Variants in FAF1 observed in about 807,000 individuals in gnomAD.
FAF1 encodes the protein Fas associated factor 1, also known as FAS-associated factor 1.
FAF1 carries 25 observed loss-of-function variants against 92.5 expected under a neutral mutation model. That is an observed-to-expected ratio of 0.27 (90% CI 0.20 to 0.38). The LOEUF is 0.38. Among genes scored for constraint, FAF1 ranks in the 10% least tolerant of loss-of-function variants. The probability of loss-of-function intolerance (pLI) is 1.00; values close to 1 mark genes in which losing one functional copy is unlikely to be tolerated. For synonymous variants in FAF1, 234 were observed against 273.2 expected, an observed-to-expected ratio of 0.86 and a Z score of 1.42; for missense variants, 636 against 793.3, an observed-to-expected ratio of 0.80 and a Z score of 2.38.
intron 1 of FAF1, among the ~76,000 whole-genome samples, chr1:50,947,158 T>C (rs760790997): frequency 7.0e-6 from 1 of 143,876 alleles, no homozygotes; most frequent in Non-Finnish European, 1.5e-5. Flanking sequence ...ACATCTAAAA[T>C]TGATTTTAAA....
intron 4 of FAF1, among the ~76,000 whole-genome samples, chr1:50,777,875 G>A (rs1320538170): frequency 6.6e-6 from 1 of 152,016 alleles, no homozygotes; most frequent in Non-Finnish European, 1.5e-5. Context: ...AAATTGGTTC[G>A]ACCATTTTAT....
intron 13 of FAF1, among the ~76,000 whole-genome samples, chr1:50,545,907 A>G (rs568361356): frequency 4.6e-5 from 7 of 152,248 alleles, no homozygotes; most frequent in Non-Finnish European, 8.8e-5. Flanking sequence ...TCACACCAGT[A>G]ATCCCAGCAC....
At chr1:50,771,591 T>G (rs1164764519) in intron 4 of FAF1, among the ~76,000 whole-genome samples, 1 of 152,142 alleles carries the variant, frequency 6.6e-6, no homozygotes, top group Non-Finnish European at 1.5e-5. Flanking sequence ...CCAGTCAGAA[T>G]GGCTATTATT....
At chr1:50,843,013 T>C (rs1644268174) in intron 2 of FAF1, among the ~76,000 whole-genome samples, 1 of 152,188 alleles carries the variant, frequency 6.6e-6, no homozygotes, top group Non-Finnish European at 1.5e-5. Flanking sequence ...TTTGAATTCA[T>C]TCATAATAAG....
At chr1:50,597,447 T>TA (rs985026276) in intron 8 of FAF1, among the ~76,000 whole-genome samples, 19 of 152,006 alleles carry the variant, frequency 1.2e-4, no homozygotes, top group Admixed American at 4.6e-4. Context: ...TGCTTATATA[T>TA]AAAAAAATGC....
At chr1:50,782,960 GA>G (rs879480940) in intron 4 of FAF1, among the ~76,000 whole-genome samples, 3 of 150,080 alleles carry the variant, frequency 2.0e-5, no homozygotes, top group Non-Finnish European at 4.4e-5. Flanking sequence ...GAAATAATAG[GA>G]AAAAAATCAA....
intron 2 of FAF1, among the ~76,000 whole-genome samples, chr1:50,816,605 C>T (rs1224914765): frequency 2.0e-5 from 3 of 152,000 alleles, no homozygotes; most frequent in South Asian, 2.1e-4. Flanking sequence ...GCATATGTTG[C>T]GAATATTTTT....
chr1:50,815,427 A>G (rs1052763841), intron 2 of FAF1, among the ~76,000 whole-genome samples: 1 of 152,158 alleles, frequency 6.6e-6, no homozygotes, highest in African/African-American at 2.4e-5. Context: ...ATAATATCCC[A>G]TGGTGTATAT....
chr1:50,680,469 G>A (rs1441204079), intron 7 of FAF1, among the ~76,000 whole-genome samples: 4 of 152,132 alleles, frequency 2.6e-5, no homozygotes, highest in Non-Finnish European at 5.9e-5. Context: ...GATCACCTGA[G>A]GTCAGGAGTT....
Position 50,921,985 on chromosome 1 carries a change from G to A in FAF1, c.45+37782C>T, listed in dbSNP as rs1003213784. On this transcript the variant is annotated intron_variant, in intron 1 of 18. Transcript: ENST00000396153. ...AGTTCAAGACCAGCCCGGCTAACAT[G>A]GTGAAACCCCGTCTCCACTAAAAAC... Among the ~76,000 whole-genome samples, 6 of 151,580 alleles carry A rather than the reference G, an allele frequency of 4.0e-5. 1 individual carries two copies. The highest frequency in any genetic ancestry group is 2.0e-4 in the Admixed American group (3 of 15,234).
chr1:50,656,902 AAAAAT>A (rs1264262868), intron 7 of FAF1, among the ~76,000 whole-genome samples: 7 of 152,102 alleles, frequency 4.6e-5, no homozygotes, highest in Admixed American at 6.6e-5. Flanking sequence ...TAATAAAAAT[AAAAAT>A]AAAATAAAAT....
intron 1 of FAF1, among the ~76,000 whole-genome samples, chr1:50,952,000 C>T (rs539173325): frequency 6.6e-6 from 1 of 152,306 alleles, no homozygotes; most frequent in East Asian, 1.9e-4. Flanking sequence ...TACCAGTATG[C>T]AACAGAAAAG....
At chr1:50,624,744 C>T (rs554751937) in intron 8 of FAF1, among the ~76,000 whole-genome samples, 1 of 152,160 alleles carries the variant, frequency 6.6e-6, no homozygotes, top group African/African-American at 2.4e-5. Flanking sequence ...TAACTTTTCA[C>T]ATATATTCCC....
In FAF1 at chr1:50,679,595, C is replaced by T. The variant is rs147046071; in HGVS notation, c.658-24067G>A. Among the ~76,000 whole-genome samples, 230 of 152,284 alleles carry T rather than the reference C, an allele frequency of 1.5e-3. 1 individual carries two copies. Among genetic ancestry groups the T allele is most frequent in the Admixed American group, 2.7e-3 (42 of 15,286 alleles). Reference sequence around the variant, plus strand: ...CCTCTCCAACCAATAAATGGCACTACCATGAACTCAGTTACTCAAGTCATA... The same window carrying T: ...CCTCTCCAACCAATAAATGGCACTATCATGAACTCAGTTACTCAAGTCATA... On this transcript the variant is annotated intron_variant, in intron 7 of 18. Transcript: ENST00000396153.
At chr1:50,764,012 GAATA>G (rs1462501352) in intron 4 of FAF1, among the ~76,000 whole-genome samples, 1 of 152,112 alleles carries the variant, frequency 6.6e-6, no homozygotes, top group Non-Finnish European at 1.5e-5. Flanking sequence ...TACTGCAACA[GAATA>G]AATGGAGGAG....
At chr1:50,446,030 G>A (rs911137798) in intron 18 of FAF1, among the ~76,000 whole-genome samples, 2 of 152,116 alleles carry the variant, frequency 1.3e-5, no homozygotes, top group African/African-American at 4.8e-5. Context: ...CACTGCTGTT[G>A]AGAAAAATGT....
At chr1:50,762,677 C>T in intron 4 of FAF1, among the ~76,000 whole-genome samples, 1 of 152,148 alleles carries the variant, frequency 6.6e-6, no homozygotes, top group Non-Finnish European at 1.5e-5. Flanking sequence ...ACACCTTATA[C>T]AAAAATTAAT....
chr1:50,894,281 A>G (rs1450680029), intron 1 of FAF1, among the ~76,000 whole-genome samples: 2 of 147,184 alleles, frequency 1.4e-5, no homozygotes, highest in Non-Finnish European at 3.0e-5. Context: ...TCTGGGTGAG[A>G]CAGAGAGACT....
intron 17 of FAF1, among the ~76,000 whole-genome samples, chr1:50,482,725 G>A (rs1247434545): frequency 6.6e-6 from 1 of 151,922 alleles, no homozygotes; most frequent in Non-Finnish European, 1.5e-5. Flanking sequence ...CATATATTGT[G>A]GTTTTAATTT....
Sources: gnomAD v4.1 joint callset for allele counts (sites outside exome capture counted in the v4.1 genomes callset) on GRCh38, gnomAD v4.1.1 for gene constraint, MANE v1.5 for transcripts, NCBI Gene and HGNC (gene_info 2026-07-23, HGNC 2026-07-21) for gene names.